TWNK: variants seen among roughly 807,000 people sequenced by gnomAD.
TWNK encodes T7 gp4-like protein with intramitochondrial nucleoid localization.
TWNK carries 36 observed loss-of-function variants against 58.2 expected under a neutral mutation model. The ratio of observed to expected loss-of-function variants is 0.62; its 90% CI spans 0.47 to 0.82. TWNK has a LOEUF of 0.82. TWNK is among the 40% of genes least tolerant of loss of function. TWNK has a pLI of 0.00. For synonymous variants in TWNK, 349 were observed against 348.5 expected (o/e 1.00, Z -0.02); for missense variants, 714 against 881.0 (o/e 0.81, Z 2.40).
intron 4 of TWNK, among the ~76,000 whole-genome samples, chr10:100,992,830 A>G (rs2133946259): frequency 6.6e-6 from 1 of 151,130 alleles, no homozygotes; most frequent in African/African-American, 2.4e-5. Flanking sequence ...TCTGTTGCCC[A>G]GGCTGGAGTG....
chr10:100,991,080 A>T, intron 4 of TWNK, 70 bp downstream of exon 4: 1 of 1,607,610 alleles, frequency 6.2e-7, no homozygotes, highest in Non-Finnish European at 8.5e-7. Flanking sequence ...GACAGCCCTC[A>T]TTCAGCCTTA....
At chr10:100,992,733 T>G (rs2133946070) in intron 4 of TWNK, among the ~76,000 whole-genome samples, 1 of 151,778 alleles carries the variant, frequency 6.6e-6, no homozygotes, top group Middle Eastern at 3.5e-3. Flanking sequence ...TGGTCAGTAG[T>G]TCAAAGAGCT....
At chr10:100,992,528 T>TAA (rs1209775610) in intron 4 of TWNK, among the ~76,000 whole-genome samples, 2,113 of 91,084 alleles carry the variant, frequency 0.023, 59 homozygotes, top group Non-Finnish European at 0.024. Flanking sequence ...ACCCTGTCTT[T>TAA]AAAAAAAAAA....
chr10:100,994,309 A>G lies in TWNK; in HGVS notation c.*799A>G, dbSNP rs1355230868. 6.6e-6 allele frequency: 1 copy of G among 152,304 alleles called. No individual in the cohort carries two copies. Among genetic ancestry groups the G allele is most frequent in the African/African-American group, 2.4e-5 (1 of 41,470 alleles). The allele number at this position is 152,304 out of a possible 1,614,324, so 9.4% of individuals were successfully genotyped here. A position where few individuals can be genotyped will look rare whatever the true frequency, so the allele number is the denominator to read the frequency against. ...TGTCAGCCCGGAGTGCCTGCCACCT[A>G]GACACTGATGCCATTGTGTGCTGCC... is the stretch of plus-strand genomic sequence containing the variant. On this transcript the variant is annotated 3_prime_UTR_variant, in exon 5 of 5. Coordinates refer to ENST00000311916, the MANE Select transcript of TWNK (RefSeq NM_021830.5).
Position 100,987,987 on chromosome 10 carries a change from C to T in TWNK, c.-224C>T, listed in dbSNP as rs916305985. 5.1e-5 allele frequency: 33 copies of T among 643,658 alleles called. No individual in the cohort carries two copies. In the East Asian group the frequency reaches 8.4e-4, roughly 16 times the overall value. The allele number at this position is 643,658 out of a possible 1,614,324, so 39.9% of individuals were successfully genotyped here. ...CTAACGGACCATAGAGGTGGGGGAGCCATTGTAGAAGGACGTGGACGCGAA... is the reference window on the plus strand; with the variant it reads ...CTAACGGACCATAGAGGTGGGGGAGTCATTGTAGAAGGACGTGGACGCGAA... On this transcript the variant is annotated 5_prime_UTR_variant, in exon 1 of 5. Coordinates refer to ENST00000311916, the MANE Select transcript of TWNK (RefSeq NM_021830.5).
intron 4 of TWNK, 69 bp from the exon 5 acceptor site, chr10:100,993,118 TGTC>T: frequency 6.6e-7 from 1 of 1,505,612 alleles, no homozygotes; most frequent in East Asian, 2.3e-5. Context: ...CTCCCTGCCC[TGTC>T]AGCCCCCCTT....
Position 100,990,411 on chromosome 10 carries a change from A to T in TWNK, c.1485-25A>T, listed in dbSNP as rs1176309292. ...GGGGTGGTCTAGAGACAACTTGTCA[A>T]ATTCCTTGCCTTTCCTCTTCCCAGG... On this transcript the variant is annotated intron_variant, in intron 2 of 4. Coordinates refer to ENST00000311916, the MANE Select transcript of TWNK (RefSeq NM_021830.5). 3 of 1,590,806 alleles carry T rather than the reference A, an allele frequency of 1.9e-6. No individual in the cohort carries two copies. The African/African-American group carries it at 4.0e-5, about 21-fold the overall frequency.
intron 4 of TWNK, among the ~76,000 whole-genome samples, chr10:100,992,486 A>T (rs1365635361): frequency 1.4e-5 from 2 of 138,122 alleles, no homozygotes; most frequent in Admixed American, 7.8e-5. Context: ...AAGTGCTGGG[A>T]TTACAGGCGT....
chr10:100,992,809 C>T (rs1222949215), intron 4 of TWNK, among the ~76,000 whole-genome samples: 3 of 151,406 alleles, frequency 2.0e-5, no homozygotes, highest in Non-Finnish European at 2.9e-5. Flanking sequence ...TTTTTTGAGA[C>T]GGAGTCTCGC....
At position 100,994,246 on chromosome 10, in the gene TWNK, G is replaced by C. The variant is rs971637684; in HGVS notation, c.*736G>C. On this transcript the variant is annotated 3_prime_UTR_variant, in exon 5 of 5. Transcript: ENST00000311916. ...GGGCCTCACTGGTGGGAGCTGCCTC[G>C]GGCTGGGTTGCTTGGTCATAGAGCC... 6.6e-6 allele frequency: 1 copy of C among 152,534 alleles called. No individual in the cohort carries two copies. The highest frequency in any genetic ancestry group is 1.9e-4 in the East Asian group (1 of 5,186). 9.4% of individuals were successfully genotyped at this position (152,534 alleles called of 1,614,324 possible).
chr10:100,990,228 G>A (rs952091185), intron 2 of TWNK, among the ~76,000 whole-genome samples: 2 of 152,318 alleles, frequency 1.3e-5, no homozygotes, highest in South Asian at 2.1e-4. Flanking sequence ...TAAGAGGATC[G>A]CTTGAGCCTA....
rs1359549423 is a variant in TWNK at position 100,988,796 on chromosome 10, C to T, written c.586C>T (p.Arg196Ter). The change falls in exon 1 of 5, where the codon CGA (arginine) becomes TGA (stop). Residue 196 changes from arginine (R) to a stop codon, truncating the protein, a stop_gained. Coordinates refer to ENST00000311916, the MANE Select transcript of TWNK (RefSeq NM_021830.5). LOFTEE classifies it high-confidence loss of function. The surrounding 1 kb of genome is among the most constrained non-coding windows in gnomAD (Gnocchi z 5.2). The part of the protein sequence containing the change: ...TDDTLKRFSV[R>*]YLRPARSLVF... ...TGACACACTCAAGCGTTTCAGTGTG[C>T]GATATCTGCGACCTGCTCGCAGTCT... 5 of 1,614,070 alleles carry T rather than the reference C, an allele frequency of 3.1e-6. No individual in the cohort carries two copies. The highest frequency in any genetic ancestry group is 1.6e-4 in the Middle Eastern group (1 of 6,084).
chr10:100,988,076 A>T lies in TWNK; in HGVS notation c.-135A>T. On this transcript the variant is annotated 5_prime_UTR_variant, in exon 1 of 5. It removes an upstream start codon present in the reference 5' UTR. Coordinates refer to ENST00000311916, the MANE Select transcript of TWNK (RefSeq NM_021830.5). The surrounding 1 kb of genome is among the most constrained non-coding windows in gnomAD (Gnocchi z 5.2). ...TAGAGGGGCTGAAGAGGAGAAATTC[A>T]TGGAGAGAAAGAATGCACCTAGAGT... 1 of 1,039,104 alleles carries T rather than the reference A, an allele frequency of 9.6e-7. No individual in the cohort carries two copies. Among genetic ancestry groups the T allele is most frequent in the South Asian group, 1.3e-5 (1 of 79,156 alleles). The allele number at this position is 1,039,104 out of a possible 1,614,324, so 64.4% of individuals were successfully genotyped here.
At position 100,989,002 on chromosome 10, in the gene TWNK, T is replaced by C. The variant is rs758674625; in HGVS notation, c.792T>C (p.Ser264=). The C allele has an allele frequency of 1.7e-5, 27 of 1,613,864 alleles. No individual in the cohort carries two copies. Among genetic ancestry groups the C allele is most frequent in the Non-Finnish European group, 2.2e-5 (26 of 1,180,016 alleles). ...GAGATGCTGAGGTGGTACTGACGAGTCGTGAGCTTGACAGCCTGGCCTTGA... is the reference window on the plus strand; with the variant it reads ...GAGATGCTGAGGTGGTACTGACGAGCCGTGAGCTTGACAGCCTGGCCTTGA... ...SRRDAEVVLT[S]RELDSLALNQ... The change falls in exon 1 of 5, where the codon AGT becomes AGC. Residue 264 remains serine, a synonymous_variant. Transcript: ENST00000311916. The surrounding 1 kb of genome is among the most constrained non-coding windows in gnomAD (Gnocchi z 7.6).
chr10:100,991,367 A>G (rs1184747199), intron 4 of TWNK: 1 of 359,016 alleles, frequency 2.8e-6, no homozygotes, highest in Admixed American at 4.1e-5. Context: ...GGTGACAACA[A>G]AGGTTGGGTT....
Position 100,993,335 on chromosome 10 carries a change from CCTT to C in TWNK, c.1883_1885del (p.Phe628del), listed in dbSNP as rs761514855. ...CTTGAGTTCAACAAGAACTCCCTCA[CCTT>C]CTCCATTCCACCAAAGAACAAGGCC... On this transcript the variant is annotated inframe_deletion, in exon 5 of 5. Coordinates refer to ENST00000311916, the MANE Select transcript of TWNK (RefSeq NM_021830.5). The C allele has an allele frequency of 1.2e-6, 2 of 1,614,114 alleles. No homozygotes were observed. Among genetic ancestry groups the C allele is most frequent in the Non-Finnish European group, 1.7e-6 (2 of 1,180,058 alleles).
At position 100,988,839 on chromosome 10, in the gene TWNK, C is replaced by A. The variant is rs1851668449; in HGVS notation, c.629C>A (p.Ser210Tyr). The change falls in exon 1 of 5, where the codon TCC becomes TAC. Residue 210 changes from serine (S) to tyrosine (Y), a missense_variant. Physicochemically the swap from Ser to Tyr is moderately radical, Grantham distance 144. Around this residue, in one of 3 missense-constraint regions of TWNK, gnomAD observed 348 missense variants for 388.4 expected, o/e 0.90. Coordinates refer to ENST00000311916, the MANE Select transcript of TWNK (RefSeq NM_021830.5). This position sits in a 1 kb window ranked among gnomAD's most constrained non-coding sequence, Gnocchi z 5.2. ...PARSLVFPWFSPGGSGLRGLK... is the reference protein window; with the variant it reads ...PARSLVFPWFYPGGSGLRGLK... ...CGCAGTCTTGTCTTCCCTTGGTTCTCCCCTGGGGGCTCAGGATTACGAGGC... is the reference window on the plus strand; with the variant it reads ...CGCAGTCTTGTCTTCCCTTGGTTCTACCCTGGGGGCTCAGGATTACGAGGC... 1 of 1,614,108 alleles carries A rather than the reference C, an allele frequency of 6.2e-7. No individual in the cohort carries two copies. Among genetic ancestry groups the A allele is most frequent in the Admixed American group, 1.7e-5 (1 of 60,010 alleles).
intron 2 of TWNK, 134 bp from the exon 3 acceptor site, chr10:100,990,302 G>C: frequency 1.3e-6 from 1 of 784,272 alleles, no homozygotes; most frequent in Non-Finnish European, 2.3e-6. Context: ...TACAGAGCAA[G>C]ACCTTGTCTC....
Position 100,988,225 on chromosome 10 carries a change from C to T in TWNK, c.15C>T (p.Leu5=), listed in dbSNP as rs1484939753. The part of the protein sequence containing the change: MWVL[L]RSGYPLRILL... ...TTTGGCTAGGAATGTGGGTCCTCCTCCGAAGTGGGTACCCCCTCCGTATCT... is the reference window on the plus strand; with the variant it reads ...TTTGGCTAGGAATGTGGGTCCTCCTTCGAAGTGGGTACCCCCTCCGTATCT... The change falls in exon 1 of 5, where the codon CTC becomes CTT. Residue 5 remains leucine, a synonymous_variant. Transcript: ENST00000311916. This position sits in a 1 kb window ranked among gnomAD's most constrained non-coding sequence, Gnocchi z 5.2. 1.9e-6 allele frequency: 3 copies of T among 1,614,148 alleles called. No individual in the cohort carries two copies. The South Asian group carries it at 3.3e-5, about 18-fold the overall frequency.
Sources: gnomAD v4.1 joint callset for allele counts (sites outside exome capture counted in the v4.1 genomes callset) on GRCh38, gnomAD v4.1.1 for gene constraint, gnomAD v4.1.1 regional missense constraint, Gnocchi (gnomAD v3.1) non-coding constraint, MANE v1.5 for transcripts, NCBI Gene and HGNC (gene_info 2026-07-23, HGNC 2026-07-21) for gene names.